KCNK10: variants seen among roughly 807,000 people sequenced by gnomAD.
KCNK10 encodes the protein potassium channel subfamily K member 10.
Under a neutral mutation model 47.7 loss-of-function variants are expected in KCNK10, and 25 were observed. The observed-to-expected ratio is 0.52, with a 90% CI of 0.38 to 0.73. The LOEUF (loss-of-function observed/expected upper bound fraction) is 0.73, where lower values mean the gene tolerates loss of function less well. Ranked by LOEUF, KCNK10 falls within the 30% of genes least tolerant of loss-of-function variation. The pLI, the probability that KCNK10 is intolerant of heterozygous loss-of-function variation, is 0.00. For missense variants in KCNK10, 563 were observed against 714.5 expected, an observed-to-expected ratio of 0.79 and a Z score of 2.42; for synonymous variants, 303 against 285.6, an observed-to-expected ratio of 1.06 and a Z score of -0.61.
intron 4 of KCNK10, among the ~76,000 whole-genome samples, chr14:88,215,742 AAGAG>A (rs745540865): frequency 6.6e-6 from 1 of 151,356 alleles, no homozygotes; most frequent in Non-Finnish European, 1.5e-5. Context: ...CCGGGGGGAA[AAGAG>A]AGAGAGAGAG....
chr14:88,258,491 A>T (rs1030625943), intron 2 of KCNK10, among the ~76,000 whole-genome samples: 16 of 152,040 alleles, frequency 1.1e-4, no homozygotes, highest in African/African-American at 3.9e-4. Context: ...GGGTTTCACC[A>T]TGTTGGTCAG....
intron 3 of KCNK10, among the ~76,000 whole-genome samples, chr14:88,231,737 G>A (rs1886165255): frequency 6.6e-6 from 1 of 152,164 alleles, no homozygotes; most frequent in Non-Finnish European, 1.5e-5. Context: ...AGCAGAGTCT[G>A]CTCTTCCTTC....
At chr14:88,257,340 G>A (rs1396917184) in intron 2 of KCNK10, among the ~76,000 whole-genome samples, 5 of 152,052 alleles carry the variant, frequency 3.3e-5, no homozygotes, top group East Asian at 3.9e-4. Flanking sequence ...CAGCTCCCAC[G>A]ACCCCCTTCC....
Position 88,290,451 on chromosome 14 carries a change from G to A in KCNK10, c.53-26900C>T, listed in dbSNP as rs117193787. On this transcript the variant is annotated intron_variant, in intron 1 of 6. Transcript: ENST00000319231. ...TTAAGCTATGCAGTTTGTGCAACTT[G>A]TTATAGCAGCAAGAGGAAACTAATG... Among the ~76,000 whole-genome samples, 489 of 152,288 alleles carry A rather than the reference G, an allele frequency of 3.2e-3. 9 individuals are homozygous for A. The highest frequency in any genetic ancestry group is 0.023 in the Admixed American group (349 of 15,296).
At chr14:88,288,154 A>G (rs769621517) in intron 1 of KCNK10, among the ~76,000 whole-genome samples, 1 of 152,158 alleles carries the variant, frequency 6.6e-6, no homozygotes, top group Admixed American at 6.6e-5. Context: ...CACACGTTCT[A>G]AAGCAAAAAG....
intron 1 of KCNK10, among the ~76,000 whole-genome samples, chr14:88,298,583 T>C (rs756294022): frequency 3.3e-5 from 5 of 152,194 alleles, no homozygotes; most frequent in African/African-American, 4.8e-5. Flanking sequence ...TCAGTGACTA[T>C]TTAAACCTTT....
chr14:88,213,628 G>A (rs1394881194), intron 4 of KCNK10, among the ~76,000 whole-genome samples: 1 of 152,022 alleles, frequency 6.6e-6, no homozygotes, highest in African/African-American at 2.4e-5. Context: ...AAACCCCTGG[G>A]ATTCTAAGAA....
At chr14:88,277,102 C>A (rs1163909363) in intron 1 of KCNK10, among the ~76,000 whole-genome samples, 1 of 152,158 alleles carries the variant, frequency 6.6e-6, no homozygotes, top group Admixed American at 6.5e-5. Flanking sequence ...GCTCCACACC[C>A]CAACACACTG....
At chr14:88,240,627 G>A in intron 3 of KCNK10, 76 bp downstream of exon 3, 2 of 912,806 alleles carry the variant, frequency 2.2e-6, no homozygotes, top group Non-Finnish European at 3.7e-6. Context: ...TGTATGCTAT[G>A]AGGACAAAAC....
intron 5 of KCNK10, among the ~76,000 whole-genome samples, chr14:88,189,438 C>T (rs565782518): frequency 3.2e-4 from 49 of 152,290 alleles, no homozygotes; most frequent in Admixed American, 5.9e-4. Context: ...TGTGCTACGC[C>T]AGAGAAATCT....
chr14:88,311,574 T>TACTGGAAACTTTGAGTGCC (rs1888330857), intron 1 of KCNK10, among the ~76,000 whole-genome samples: 1 of 152,188 alleles, frequency 6.6e-6, no homozygotes, highest in Admixed American at 6.5e-5. Context: ...GCAGGAGTGT[T>TACTGGAAACTTTGAGTGCC]ACTGGAAACT....
rs775888241 is a variant in KCNK10, at chr14:88,263,477, T to C, written c.127A>G (p.Thr43Ala). 6.6e-5 allele frequency: 106 copies of C among 1,613,514 alleles called. No homozygotes were observed. The highest frequency in any genetic ancestry group is 8.7e-5 in the Non-Finnish European group (103 of 1,179,984). ...GAAATGGACAGGCGCGGAGTTGGAG[T>C]CGGAGCCGGAGCCGGGGGTTGCCCG... ...TNGQPPAPAP[T>A]PTPRLSISSR... Residue 43 changes from threonine to alanine, a missense_variant, in exon 2 of 7, where the codon ACT (threonine) becomes GCT (alanine). Transcript: ENST00000319231.
At chr14:88,219,805 A>G (rs61976975) in intron 4 of KCNK10, among the ~76,000 whole-genome samples, 31,087 of 152,108 alleles carry the variant, frequency 0.2, 4,201 homozygotes, top group Non-Finnish European at 0.3. Flanking sequence ...CACGACCACA[A>G]ATAATTTTCA....
At chr14:88,273,216 A>C (rs1887448235) in intron 1 of KCNK10, among the ~76,000 whole-genome samples, 1 of 152,188 alleles carries the variant, frequency 6.6e-6, no homozygotes, top group Non-Finnish European at 1.5e-5. Flanking sequence ...AGGGGGATGC[A>C]TGACAGAGAA....
Position 88,209,130 on chromosome 14 carries a change from C to T in KCNK10, c.682-16720G>A, listed in dbSNP as rs113138755. On this transcript the variant is annotated intron_variant, in intron 4 of 6. Coordinates refer to ENST00000319231, the MANE Select transcript of KCNK10 (RefSeq NM_138317.3). The stretch of plus-strand genomic sequence containing the variant: ...TTTGAGCTCAGTAAAACCCATCTTC[C>T]GAGGATCCCTTGTTGGTATTTGAAG... 8.6e-3 allele frequency among the ~76,000 whole-genome samples: 1,310 copies of T among 152,190 alleles called. 16 individuals are homozygous for T. Among genetic ancestry groups the T allele is most frequent in the African/African-American group, 0.03 (1,260 of 41,504 alleles).
In KCNK10 at chr14:88,260,772, G is replaced by C. The variant is rs1447476055; in HGVS notation, c.402+2430C>G. ...CATAACAGATGCCTAATAAAGAGCA[G>C]CTTTTTAAATTGTTATAAAATTATC... is the stretch of plus-strand genomic sequence containing the variant. On this transcript the variant is annotated intron_variant, in intron 2 of 6. Transcript: ENST00000319231. This position sits in a 1 kb window ranked among gnomAD's most constrained non-coding sequence, Gnocchi z 4.5. 6.6e-6 allele frequency among the ~76,000 whole-genome samples: 1 copy of C among 152,202 alleles called. No homozygotes were observed. Among genetic ancestry groups the C allele is most frequent in the African/African-American group, 2.4e-5 (1 of 41,448 alleles).
intron 1 of KCNK10, among the ~76,000 whole-genome samples, chr14:88,318,884 C>T (rs1442614007): frequency 6.6e-6 from 1 of 152,194 alleles, no homozygotes; most frequent in African/African-American, 2.4e-5. Context: ...AGTTTTTTTA[C>T]ACTGTATTCA....
chr14:88,210,761 G>A (rs1257097660), intron 4 of KCNK10, among the ~76,000 whole-genome samples: 1 of 151,402 alleles, frequency 6.6e-6, no homozygotes, highest in East Asian at 1.9e-4. Context: ...TATGGGAGCA[G>A]CCAGGACTTA....
At chr14:88,200,985 C>T (rs1410550323) in intron 4 of KCNK10, among the ~76,000 whole-genome samples, 1 of 152,228 alleles carries the variant, frequency 6.6e-6, no homozygotes, top group Non-Finnish European at 1.5e-5. Flanking sequence ...CTGCTCATAC[C>T]TCAAGATTCC....
Sources: allele counts gnomAD v4.1 joint callset (sites outside exome capture counted in the v4.1 genomes callset), GRCh38; gene constraint gnomAD v4.1.1; non-coding constraint Gnocchi (gnomAD v3.1); transcripts MANE v1.5; gene names NCBI Gene and HGNC (gene_info 2026-07-23, HGNC 2026-07-21).